Variants in GARRE1 observed in about 807,000 individuals in gnomAD.
GARRE1 encodes granule associated Rac and RHOG effector protein 1.
A neutral mutation model predicts 103.2 loss-of-function variants in GARRE1; 49 were observed. That is an observed-to-expected ratio of 0.47 (90% CI 0.38 to 0.60). The LOEUF (loss-of-function observed/expected upper bound fraction) is 0.60, where lower values mean the gene tolerates loss of function less well. Among genes scored for constraint, GARRE1 ranks in the 20% least tolerant of loss-of-function variants. GARRE1 has a pLI of 0.00. For synonymous variants in GARRE1, 505 were observed against 532.8 expected (o/e 0.95, Z 0.72); for missense variants, 1,199 against 1,370.5 (o/e 0.87, Z 1.98).
intron 3 of GARRE1, among the ~76,000 whole-genome samples, chr19:34,322,456 G>A (rs1162748705): frequency 6.6e-6 from 1 of 152,048 alleles, no homozygotes; most frequent in Non-Finnish European, 1.5e-5. Context: ...ACAGGTGTGA[G>A]CCACCATGCC....
chr19:34,295,149 G>A (rs1219442600), intron 1 of GARRE1, among the ~76,000 whole-genome samples: 1 of 152,176 alleles, frequency 6.6e-6, no homozygotes, highest in East Asian at 1.9e-4. Flanking sequence ...CTTTGAAGGA[G>A]CTGTAGCCCA....
chr19:34,326,163 TTTTA>T (rs2074110998), intron 3 of GARRE1, among the ~76,000 whole-genome samples: 1 of 152,224 alleles, frequency 6.6e-6, no homozygotes, highest in African/African-American at 2.4e-5. Flanking sequence ...AGTCAAACAG[TTTTA>T]AACTGTGAGA....
intron 8 of GARRE1, among the ~76,000 whole-genome samples, chr19:34,335,046 GAA>G (rs796763284): frequency 3.8e-5 from 5 of 130,564 alleles, no homozygotes; most frequent in African/African-American, 1.1e-4. Flanking sequence ...CCGTCTCCAA[GAA>G]AAAAAAAAAA....
In GARRE1 at chr19:34,274,518, G is replaced by A. The variant is rs548272615; in HGVS notation, c.-796+19904G>A. On this transcript the variant is annotated intron_variant, in intron 1 of 13. Coordinates refer to ENST00000299505, the MANE Select transcript of GARRE1 (RefSeq NM_014686.5). The stretch of plus-strand genomic sequence containing the variant: ...AAGTAGGCAGATGGTGATGTCATTT[G>A]CCAAGACTGGGAAGGCATATTGAAA... Among the ~76,000 whole-genome samples the A allele has an allele frequency of 1.5e-3, 232 of 152,318 alleles. 2 individuals are homozygous for A. The highest frequency in any genetic ancestry group is 2.7e-3 in the Non-Finnish European group (181 of 68,020).
At chr19:34,341,293 A>T (rs1435047728) in intron 9 of GARRE1, 129 bp from the exon 10 acceptor site, 4 of 725,478 alleles carry the variant, frequency 5.5e-6, no homozygotes, top group Admixed American at 5.7e-5. Context: ...TATATATAAA[A>T]TAAGTGAACC....
At position 34,339,985 on chromosome 19, in the gene GARRE1, G is replaced by A; in HGVS notation, c.1480G>A (p.Ala494Thr). The change falls in exon 9 of 14, where the codon GCT (alanine) becomes ACT (threonine). Residue 494 changes from alanine (A) to threonine (T), a missense_variant. Transcript: ENST00000299505. ...TAVLDLNRWRAGREQALPCIQ... is the reference protein window; with the variant it reads ...TAVLDLNRWRTGREQALPCIQ... The stretch of plus-strand genomic sequence containing the variant: ...TGTGCTGGACCTAAACCGCTGGAGG[G>A]CTGGAAGGTTGGTGTCTGTGGTTTG... 1 of 1,614,204 alleles carries A rather than the reference G, an allele frequency of 6.2e-7. No individual in the cohort carries two copies. Among genetic ancestry groups the A allele is most frequent in the Middle Eastern group, 1.6e-4 (1 of 6,062 alleles).
chr19:34,339,290 T>G (rs927337091), intron 8 of GARRE1, among the ~76,000 whole-genome samples: 2 of 152,230 alleles, frequency 1.3e-5, no homozygotes, highest in Non-Finnish European at 2.9e-5. Context: ...ACCTCCAGGT[T>G]TGATATTTTG....
intron 3 of GARRE1, among the ~76,000 whole-genome samples, chr19:34,323,023 C>CTTTTTTTTTTTTT (rs71165649): frequency 1.5e-5 from 1 of 66,666 alleles, no homozygotes; most frequent in Non-Finnish European, 2.7e-5. Flanking sequence ...TATTTCTTTT[C>CTTTTTTTTTTTTT]TTTTTTTTTT....
intron 1 of GARRE1, among the ~76,000 whole-genome samples, chr19:34,274,683 C>G (rs2073806574): frequency 6.6e-6 from 1 of 152,106 alleles, no homozygotes; most frequent in Non-Finnish European, 1.5e-5. Flanking sequence ...ATATGTTGCT[C>G]TTAGAAACAG....
rs1239995146 is a variant in GARRE1, at chr19:34,300,722, T to C, written c.249T>C (p.Tyr83=). Residue 83 remains tyrosine, a synonymous_variant, in exon 2 of 14, where the codon TAT becomes TAC. Coordinates refer to ENST00000299505, the MANE Select transcript of GARRE1 (RefSeq NM_014686.5). ...IADIQQGISK[Y]LDALNVFCRA... is the part of the protein sequence containing the mutation. Reference sequence around the variant, plus strand: ...ACATCCAGCAGGGCATCTCCAAGTATCTGGATGCCCTGAACGTCTTCTGCC... The same window carrying C: ...ACATCCAGCAGGGCATCTCCAAGTACCTGGATGCCCTGAACGTCTTCTGCC... 3.1e-6 allele frequency: 5 copies of C among 1,614,168 alleles called. No homozygotes were observed. In the South Asian group the frequency reaches 3.3e-5, roughly 11 times the overall value.
intron 1 of GARRE1, among the ~76,000 whole-genome samples, chr19:34,276,467 G>A (rs1329523528): frequency 6.6e-6 from 1 of 152,070 alleles, no homozygotes; most frequent in Non-Finnish European, 1.5e-5. Flanking sequence ...GGGTATGTGT[G>A]TTTATGTACA....
At chr19:34,292,583 A>AT (rs960331738) in intron 1 of GARRE1, among the ~76,000 whole-genome samples, 36 of 149,112 alleles carry the variant, frequency 2.4e-4, no homozygotes, top group South Asian at 4.2e-4. Flanking sequence ...ATTTTACTTT[A>AT]TTTTTTTTTT....
Position 34,330,453 on chromosome 19 carries a change from T to G in GARRE1, c.1263+106T>G, listed in dbSNP as rs1172393933. On this transcript the variant is annotated intron_variant, in intron 7 of 13. Transcript: ENST00000299505. ...TGAAAATATTGAATAATTTAAAAAGTTATTTGGTGCTGTGGAATTTAGACC... is the reference window on the plus strand; with the variant it reads ...TGAAAATATTGAATAATTTAAAAAGGTATTTGGTGCTGTGGAATTTAGACC... 2.5e-6 allele frequency: 3 copies of G among 1,183,274 alleles called. No homozygotes were observed. In the East Asian group the frequency reaches 7.5e-5, roughly 30 times the overall value. 73.3% of individuals were successfully genotyped at this position (1,183,274 alleles called of 1,614,324 possible).
chr19:34,275,634 C>T (rs1350498930), intron 1 of GARRE1, among the ~76,000 whole-genome samples: 1 of 152,162 alleles, frequency 6.6e-6, no homozygotes, highest in Non-Finnish European at 1.5e-5. Context: ...AATTGATAGA[C>T]ATTTGAGTTG....
At chr19:34,304,880 C>T (rs2074000406) in intron 2 of GARRE1, among the ~76,000 whole-genome samples, 1 of 151,868 alleles carries the variant, frequency 6.6e-6, no homozygotes, top group South Asian at 2.1e-4. Context: ...CAAGCTCTGC[C>T]TCCCAGGTTC....
intron 1 of GARRE1, among the ~76,000 whole-genome samples, chr19:34,266,156 A>G (rs1162850704): frequency 6.6e-6 from 1 of 152,192 alleles, no homozygotes; most frequent in Non-Finnish European, 1.5e-5. Context: ...ACCTTAGTGA[A>G]TGTTTGAGTA....
At chr19:34,281,860 C>T (rs1291520095) in intron 1 of GARRE1, among the ~76,000 whole-genome samples, 8 of 152,042 alleles carry the variant, frequency 5.3e-5, no homozygotes, top group Non-Finnish European at 1.0e-4. Flanking sequence ...TATATATTTA[C>T]GTAGTTCTAA....
intron 3 of GARRE1, among the ~76,000 whole-genome samples, chr19:34,323,664 A>G (rs1321377400): frequency 6.6e-6 from 1 of 152,044 alleles, no homozygotes; most frequent in Non-Finnish European, 1.5e-5. Flanking sequence ...ATGTGACTTT[A>G]CAACCCTCGG....
At chr19:34,281,685 A>T (rs1238611272) in intron 1 of GARRE1, among the ~76,000 whole-genome samples, 1 of 152,174 alleles carries the variant, frequency 6.6e-6, no homozygotes, top group Non-Finnish European at 1.5e-5. Context: ...TCCCAAAGTG[A>T]TGGGATTACA....
Sources: allele counts gnomAD v4.1 joint callset (sites outside exome capture counted in the v4.1 genomes callset), GRCh38; gene constraint gnomAD v4.1.1; transcripts MANE v1.5; gene names NCBI Gene and HGNC (gene_info 2026-07-23, HGNC 2026-07-21).